Variants in TSC2 observed in about 807,000 individuals in gnomAD.
TSC2 encodes TSC complex subunit 2, also known as tuberin.
A neutral mutation model predicts 202.2 loss-of-function variants in TSC2; 29 were observed. The observed-to-expected ratio is 0.14, with a 90% CI of 0.11 to 0.20. The LOEUF is 0.20. Ranked by LOEUF, TSC2 falls within the 10% of genes least tolerant of loss-of-function variation. The pLI is 1.00. For synonymous variants in TSC2, 1,349 were observed against 1,044.0 expected (o/e 1.29, Z -5.63); for missense variants, 2,429 against 2,420.0 (o/e 1.00, Z -0.08).
rs1349777108 is a variant in TSC2 at position 2,073,015 on chromosome 16, A to T, written c.2355+32A>T. The T allele has an allele frequency of 2.5e-6, 4 of 1,612,842 alleles. No individual in the cohort carries two copies. In the African/African-American group the frequency reaches 5.3e-5, roughly 22 times the overall value. On this transcript the variant is annotated intron_variant, in intron 21 of 41. Coordinates refer to ENST00000219476, the MANE Select transcript of TSC2 (RefSeq NM_000548.5). ...GGTCAGAGCAGGACAGGCGAGCTTG[A>T]TGGGGCCTGGGATTCGAGGGCCTGG... is the stretch of plus-strand genomic sequence containing the variant.
In TSC2 at chr16:2,088,694, CATAGAGGCACAGAT is replaced by C. The variant is rs977646071; in HGVS notation, c.*85_*98del. On this transcript the variant is annotated 3_prime_UTR_variant, in exon 42 of 42. Transcript: ENST00000219476. The stretch of plus-strand genomic sequence containing the variant: ...TAAAGTCCTGACCCCAGTGCACAGA[CATAGAGGCACAGAT>C]TGCAGTCAGACAGCTCTTTTATTGA... The C allele has an allele frequency of 2.7e-6, 4 of 1,489,234 alleles. No homozygotes were observed. The highest frequency in any genetic ancestry group is 1.4e-5 in the African/African-American group (1 of 71,788). 92.3% of individuals were successfully genotyped at this position (1,489,234 alleles called of 1,614,324 possible). A position where few individuals can be genotyped will look rare whatever the true frequency, so the allele number is the denominator to read the frequency against.
Position 2,084,984 on chromosome 16 carries a change from C to G in TSC2, c.4527C>G (p.Phe1509Leu), listed in dbSNP as rs775919951. ...FVFLQLYHSP[F>L]FGDESNKPIL... ...TCCTGCAGCTCTACCATTCCCCCTT[C>G]TTTGGCGACGAGTCAAACAAGCCAA... Residue 1509 changes from phenylalanine (F) to leucine (L), a missense_variant, in exon 35 of 42, where the codon TTC (phenylalanine) becomes TTG (leucine). Phe to Leu is a conservative substitution (Grantham distance 22, BLOSUM62 0). Coordinates refer to ENST00000219476, the MANE Select transcript of TSC2 (RefSeq NM_000548.5). 2.7e-5 allele frequency: 44 copies of G among 1,612,016 alleles called. No homozygotes were observed. Among genetic ancestry groups the G allele is most frequent in the Non-Finnish European group, 3.4e-5 (40 of 1,179,388 alleles).
At chr16:2,056,323 GT>G in intron 7 of TSC2, 79 bp downstream of exon 7, 1 of 1,580,932 alleles carries the variant, frequency 6.3e-7, no homozygotes. Context: ...TGAGCCCTGT[GT>G]GCCACCTGCT....
intron 16 of TSC2, among the ~76,000 whole-genome samples, chr16:2,067,822 A>G (rs1481883678): frequency 1.3e-5 from 2 of 152,302 alleles, no homozygotes; most frequent in African/African-American, 4.8e-5. Flanking sequence ...TCTCATCCAC[A>G]TGAGCACCAT....
At chr16:2,070,638 G>A (rs370156258) in intron 17 of TSC2, 60 bp downstream of exon 17, 64 of 1,610,146 alleles carry the variant, frequency 4.0e-5, no homozygotes, top group Non-Finnish European at 4.5e-5. Flanking sequence ...TCCCCGTCTC[G>A]GCAGGTGTGG....
intron 30 of TSC2, chr16:2,080,676 G>T (rs556270711): frequency 5.3e-5 from 21 of 395,568 alleles, no homozygotes; most frequent in East Asian, 2.1e-4. Flanking sequence ...AGTAGAGATG[G>T]GGTTTCACTG....
In TSC2 at chr16:2,057,029, G is replaced by A. The variant is rs995310717; in HGVS notation, c.775-76G>A. 7.2e-6 allele frequency: 11 copies of A among 1,533,478 alleles called. No individual in the cohort carries two copies. In the South Asian group the frequency reaches 9.6e-5, roughly 13 times the overall value. 95.0% of individuals were successfully genotyped at this position (1,533,478 alleles called of 1,614,324 possible). On this transcript the variant is annotated intron_variant, in intron 8 of 41. Coordinates refer to ENST00000219476, the MANE Select transcript of TSC2 (RefSeq NM_000548.5). ...TGGGTGGCTATAGGGCAGCAGCCAG[G>A]CGGGGCCAGCAGCGGGACTGGGGCT... is the stretch of plus-strand genomic sequence containing the variant.
intron 21 of TSC2, among the ~76,000 whole-genome samples, chr16:2,073,399 TC>T (rs2088796600): frequency 6.6e-6 from 1 of 152,238 alleles, no homozygotes; most frequent in Admixed American, 6.5e-5. Context: ...TCACCTGCGA[TC>T]TGCCTCGCCC....
rs1425321534 is a variant in TSC2, at chr16:2,082,480, C to T, written c.3859C>T (p.Leu1287=). 1.2e-6 allele frequency: 2 copies of T among 1,612,220 alleles called. No homozygotes were observed. Among genetic ancestry groups the T allele is most frequent in the African/African-American group, 1.3e-5 (1 of 74,946 alleles). ...SLYQSSCQGQ[L]HRSVSWADSA... ...GTACCAGTCCAGCTGCCAAGGACAG[C>T]TGCACAGGAGCGTTTCCTGGGCAGG... Residue 1287 remains leucine (L), a synonymous_variant, in exon 32 of 42, where the codon CTG becomes TTG. Transcript: ENST00000219476.
At position 2,073,357 on chromosome 16, in the gene TSC2, C is replaced by T. The variant is rs965727707; in HGVS notation, c.2355+374C>T. On this transcript the variant is annotated intron_variant, in intron 21 of 41. Coordinates refer to ENST00000219476, the MANE Select transcript of TSC2 (RefSeq NM_000548.5). ...CAGAGAGTCTGGCTTCTGCCTCCCT[C>T]CACGCCCCATCAGGTGCCGGAAACT... Among the ~76,000 whole-genome samples, 6 of 152,344 alleles carry T rather than the reference C, an allele frequency of 3.9e-5. No individual in the cohort carries two copies. In the East Asian group the frequency reaches 1.2e-3, roughly 29 times the overall value.
rs2151615291 is a variant in TSC2, at chr16:2,087,951, G to T, written c.5068+10G>T. 1 of 1,605,004 alleles carries T rather than the reference G, an allele frequency of 6.2e-7. No homozygotes were observed. The highest frequency in any genetic ancestry group is 1.3e-5 in the African/African-American group (1 of 74,694). Reference sequence around the variant, plus strand: ...CTGCAGTGCAGGAAAGGTAGGGCCGGGTGGGGCCCTGCAGTGCAGGAAAGG... The same window carrying T: ...CTGCAGTGCAGGAAAGGTAGGGCCGTGTGGGGCCCTGCAGTGCAGGAAAGG... On this transcript the variant is annotated intron_variant, in intron 39 of 41. Coordinates refer to ENST00000219476, the MANE Select transcript of TSC2 (RefSeq NM_000548.5).
rs45517126 is a variant in TSC2 at position 2,056,755 on chromosome 16, G to A, written c.760G>A (p.Glu254Lys). ...CACCATCAACGTCAAGGAGCTCTGC[G>A]AGCCTTGCTGGAAGGTGGGGTTTCT... ...CRTINVKELCEPCWKLMRNLL... is the reference protein window; with the variant it reads ...CRTINVKELCKPCWKLMRNLL... Residue 254 changes from glutamate to lysine, a missense_variant, in exon 8 of 42, where the codon GAG (glutamate) becomes AAG (lysine). Transcript: ENST00000219476. The A allele has an allele frequency of 5.0e-5, 81 of 1,609,642 alleles. No homozygotes were observed. Among genetic ancestry groups the A allele is most frequent in the Non-Finnish European group, 5.7e-5 (67 of 1,180,004 alleles).
chr16:2,071,938 A>ACCACTCAC lies in TSC2; in HGVS notation c.2097+4_2097+5insCCACTCAC, dbSNP rs2151309242. On this transcript the variant is annotated splice_donor_region_variant and intron_variant, in intron 19 of 41. Transcript: ENST00000219476. ...CCTGCTGCAGTGCTTGAAGCAGGTG[A>ACCACTCAC]GTGGGGCCGGGCAGGGACCATCCGT... 1.9e-6 allele frequency: 3 copies of ACCACTCAC among 1,571,798 alleles called. No individual in the cohort carries two copies. The highest frequency in any genetic ancestry group is 2.6e-6 in the Non-Finnish European group (3 of 1,157,712).
chr16:2,062,453 G>A, intron 12 of TSC2, 44 bp from the exon 13 acceptor site: 3 of 1,547,568 alleles, frequency 1.9e-6, no homozygotes, highest in Non-Finnish European at 2.6e-6. Flanking sequence ...GAGAAGGAGA[G>A]CGCCGGAGGG....
At chr16:2,053,519 G>C (rs1354414183) in intron 4 of TSC2, 67 bp downstream of exon 4, 1 of 1,461,388 alleles carries the variant, frequency 6.8e-7, no homozygotes, top group African/African-American at 1.4e-5. Flanking sequence ...GTCCCTGCTG[G>C]GCCGTGTTTG....
intron 10 of TSC2, among the ~76,000 whole-genome samples, chr16:2,059,643 C>G (rs1325750983): frequency 6.6e-6 from 1 of 151,960 alleles, no homozygotes; most frequent in Non-Finnish European, 1.5e-5. Flanking sequence ...CCTCAGCCTC[C>G]TGAGTAGCTG....
intron 6 of TSC2, 171 bp from the exon 7 acceptor site, chr16:2,056,025 G>C: frequency 1.3e-6 from 1 of 742,964 alleles, no homozygotes; most frequent in Non-Finnish European, 2.4e-6. Flanking sequence ...ACCCAGCACC[G>C]AGAGCAGTGG....
intron 41 of TSC2, 45 bp downstream of exon 41, chr16:2,088,370 A>G (rs2151635042): frequency 6.2e-7 from 1 of 1,612,218 alleles, no homozygotes; most frequent in East Asian, 2.2e-5. Flanking sequence ...TGGCTGCCCA[A>G]GCTGTGGGGC....
At chr16:2,048,177 G>T (rs1567378608) in intron 1 of TSC2, 112 bp downstream of exon 1, 6 of 1,536,824 alleles carry the variant, frequency 3.9e-6, no homozygotes, top group Middle Eastern at 1.7e-4. Context: ...ACTGCAACCC[G>T]ACTCCGGAGC....
Sources: gnomAD v4.1 joint callset for allele counts (sites outside exome capture counted in the v4.1 genomes callset) on GRCh38, gnomAD v4.1.1 for gene constraint, MANE v1.5 for transcripts, NCBI Gene and HGNC (gene_info 2026-07-23, HGNC 2026-07-21) for gene names.